The following DENND5B variants were observed in gnomAD, a reference collection of about 807,000 sequenced individuals.
DENND5B encodes DENN domain containing 5B, also known as DENN domain-containing protein 5B.
A neutral mutation model predicts 140.6 loss-of-function variants in DENND5B; 34 were observed. The observed-to-expected ratio is 0.24, with a 90% CI of 0.18 to 0.32. The LOEUF is 0.32. DENND5B is among the 10% of genes least tolerant of loss of function. The pLI, the probability that DENND5B is intolerant of heterozygous loss-of-function variation, is 1.00. For synonymous variants in DENND5B, 551 were observed against 562.1 expected (o/e 0.98, Z 0.28); for missense variants, 1,142 against 1,560.2 (o/e 0.73, Z 4.52).
At chr12:31,410,076 A>G (rs1336597417) in intron 13 of DENND5B, among the ~76,000 whole-genome samples, 1 of 152,226 alleles carries the variant, frequency 6.6e-6, no homozygotes, top group African/African-American at 2.4e-5. Flanking sequence ...ATAATTAAGG[A>G]AAAAATGCAT....
intron 18 of DENND5B, 54 bp downstream of exon 18, chr12:31,392,560 T>C: frequency 6.5e-7 from 1 of 1,532,226 alleles, no homozygotes; most frequent in Non-Finnish European, 8.8e-7. Flanking sequence ...GTGTATCACA[T>C]ATAAAAGCAT....
intron 1 of DENND5B, among the ~76,000 whole-genome samples, chr12:31,549,657 C>T (rs774863842): frequency 6.6e-6 from 1 of 151,990 alleles, no homozygotes; most frequent in African/African-American, 2.4e-5. Flanking sequence ...AGGTATTAAG[C>T]CCAGTATGCA....
chr12:31,472,664 A>AGGGC (rs1945616167), intron 3 of DENND5B, among the ~76,000 whole-genome samples: 4 of 152,182 alleles, frequency 2.6e-5, no homozygotes, highest in African/African-American at 9.7e-5. Context: ...GTTTCCCAAA[A>AGGGC]TTAAAGGGCT....
intron 7 of DENND5B, among the ~76,000 whole-genome samples, chr12:31,437,166 G>A (rs576994847): frequency 2.0e-5 from 3 of 147,714 alleles, no homozygotes; most frequent in Admixed American, 6.7e-5. Flanking sequence ...TTTTTGAGAC[G>A]GAGTCTCACT....
At chr12:31,500,421 T>G in intron 1 of DENND5B, 1 of 452,344 alleles carries the variant, frequency 2.2e-6, no homozygotes, top group Non-Finnish European at 4.4e-6. Flanking sequence ...GGCTCACAAC[T>G]GTAATCTCAG....
At chr12:31,468,256 A>ATTAT (rs558636432) in intron 3 of DENND5B, among the ~76,000 whole-genome samples, 3,060 of 152,110 alleles carry the variant, frequency 0.02, 55 homozygotes, top group South Asian at 0.05. Flanking sequence ...CCTGTCTCAA[A>ATTAT]TTATTTATTT....
At chr12:31,582,526 T>C (rs193195519) in intron 1 of DENND5B, among the ~76,000 whole-genome samples, 14 of 152,338 alleles carry the variant, frequency 9.2e-5, no homozygotes, top group Admixed American at 9.2e-4. Flanking sequence ...TTAAAAGTGG[T>C]ATATTTCATA....
chr12:31,447,296 T>C (rs778146608), intron 6 of DENND5B, among the ~76,000 whole-genome samples: 5 of 151,666 alleles, frequency 3.3e-5, no homozygotes, highest in Admixed American at 6.6e-5. Context: ...ACAAAAATCA[T>C]AGCAACCTTC....
intron 9 of DENND5B, 45 bp downstream of exon 9, chr12:31,426,248 G>GT (rs1342941334): frequency 1.3e-6 from 2 of 1,568,846 alleles, no homozygotes; most frequent in Non-Finnish European, 8.6e-7. Flanking sequence ...CACACATGGT[G>GT]TAAACATGAA....
Position 31,588,945 on chromosome 12 carries a change from TCA to T in DENND5B, c.127+1759_127+1760del, listed in dbSNP as rs139221341. ...AAGCAGAAATCCCAATCACCCACAC[TCA>T]CACAGTTTTGCAAAAAGAGACATCA... On this transcript the variant is annotated intron_variant, in intron 1 of 20. Transcript: ENST00000389082. Among the ~76,000 whole-genome samples the T allele has an allele frequency of 1.1e-3, 162 of 152,292 alleles. 2 individuals carry two copies. The East Asian group carries it at 0.02, about 19-fold the overall frequency.
At chr12:31,545,173 G>A (rs962790022) in intron 1 of DENND5B, among the ~76,000 whole-genome samples, 16 of 152,138 alleles carry the variant, frequency 1.1e-4, no homozygotes, top group African/African-American at 3.1e-4. Context: ...AAAAATTCAC[G>A]TACAAAAAGA....
chr12:31,426,280 G>T lies in DENND5B; in HGVS notation c.2238+13C>A. 1 of 1,602,616 alleles carries T rather than the reference G, an allele frequency of 6.2e-7. No individual in the cohort carries two copies. The highest frequency in any genetic ancestry group is 1.1e-5 in the South Asian group (1 of 88,550). On this transcript the variant is annotated intron_variant, in intron 9 of 20. Coordinates refer to ENST00000389082, the MANE Select transcript of DENND5B (RefSeq NM_144973.4). ...TGAATGCACACTGTCTGGCATCAGT[G>T]AATAATACATACCTTCATTCTACAT...
At chr12:31,396,477 A>C (rs905747772) in intron 17 of DENND5B, 2 of 152,490 alleles carry the variant, frequency 1.3e-5, no homozygotes, top group Admixed American at 6.6e-5. Context: ...ATGGCAAGCA[A>C]ATTGGTGAAG....
At chr12:31,574,270 T>TAAA (rs1949928381) in intron 1 of DENND5B, among the ~76,000 whole-genome samples, 1 of 128,704 alleles carries the variant, frequency 7.8e-6, no homozygotes, top group African/African-American at 3.0e-5. Flanking sequence ...CTCTAAAAAA[T>TAAA]AATAATAATA....
intron 1 of DENND5B, among the ~76,000 whole-genome samples, chr12:31,537,474 C>T (rs61591823): frequency 6.6e-6 from 1 of 151,668 alleles, no homozygotes; most frequent in Non-Finnish European, 1.5e-5. Flanking sequence ...AACAGATACG[C>T]TGAAAATAAA....
At chr12:31,399,047 G>A (rs1391349808) in intron 16 of DENND5B, among the ~76,000 whole-genome samples, 2 of 148,940 alleles carry the variant, frequency 1.3e-5, no homozygotes, top group Non-Finnish European at 3.0e-5. Flanking sequence ...GCTTGAACCT[G>A]GGAGGCAGAG....
chr12:31,415,361 A>G lies in DENND5B; in HGVS notation c.2552+6T>C. The G allele has an allele frequency of 1.9e-6, 3 of 1,599,888 alleles. No homozygotes were observed. Among genetic ancestry groups the G allele is most frequent in the Middle Eastern group, 1.7e-4 (1 of 6,022 alleles). On this transcript the variant is annotated splice_donor_region_variant and intron_variant, in intron 12 of 20. Coordinates refer to ENST00000389082, the MANE Select transcript of DENND5B (RefSeq NM_144973.4). ...ACATGCTAACACATGTATTAATAAC[A>G]AATACCTCATGTCCTGAATAAGAGA...
intron 1 of DENND5B, chr12:31,590,073 G>A (rs991280166): frequency 7.9e-5 from 12 of 152,500 alleles, no homozygotes; most frequent in African/African-American, 2.9e-4. Flanking sequence ...GCGTCCAAAG[G>A]TCCCTGCCAG....
intron 7 of DENND5B, among the ~76,000 whole-genome samples, chr12:31,439,800 A>G (rs1050298402): frequency 1.3e-5 from 2 of 152,004 alleles, no homozygotes; most frequent in African/African-American, 4.8e-5. Flanking sequence ...GTAGTGGCGC[A>G]TGCCTGTAAT....
Sources: gnomAD v4.1 joint callset for allele counts (sites outside exome capture counted in the v4.1 genomes callset) on GRCh38, gnomAD v4.1.1 for gene constraint, MANE v1.5 for transcripts, NCBI Gene and HGNC (gene_info 2026-07-23, HGNC 2026-07-21) for gene names.